Variants in JADE3 observed in about 807,000 individuals in gnomAD.
JADE3 encodes the protein protein Jade-3.
A neutral mutation model predicts 50.1 loss-of-function variants in JADE3; 2 were observed. The observed-to-expected ratio is 0.04, with a 90% CI of 0.02 to 0.13. The LOEUF (loss-of-function observed/expected upper bound fraction) is 0.13, where lower values mean the gene tolerates loss of function less well. JADE3 is among the 10% of genes least tolerant of loss of function. The probability of loss-of-function intolerance (pLI) is 1.00; values close to 1 mark genes in which losing one functional copy is unlikely to be tolerated. For synonymous variants in JADE3, 218 were observed against 232.9 expected (o/e 0.94, Z 0.58); for missense variants, 475 against 634.4 (o/e 0.75, Z 2.70).
intron 3 of JADE3, among the ~76,000 whole-genome samples, chrX:46,991,542 G>T (rs1428851712): frequency 3.6e-5 from 4 of 111,482 alleles, no homozygotes; most frequent in Non-Finnish European, 7.5e-5. Flanking sequence ...TTATGTTGAC[G>T]TACGTTTTCA....
chrX:46,988,709 A>G (rs1927916678), intron 3 of JADE3, among the ~76,000 whole-genome samples: 1 of 112,287 alleles, frequency 8.9e-6, no homozygotes. Context: ...GGGAATTGGC[A>G]AAGGTGACAA....
Position 46,956,553 on chromosome X carries a change from G to C in JADE3, c.-11-28331G>C, listed in dbSNP as rs782566022. 3.6e-5 allele frequency among the ~76,000 whole-genome samples: 4 copies of C among 110,344 alleles called. No homozygotes were observed. In the South Asian group the frequency reaches 1.2e-3, roughly 32 times the overall value. ...CTTGCTTGTTTATTTTAGAGACAGGGTTTCACTCTGTCAGCCAGGCTGGAG... is the reference window on the plus strand; with the variant it reads ...CTTGCTTGTTTATTTTAGAGACAGGCTTTCACTCTGTCAGCCAGGCTGGAG... On this transcript the variant is annotated intron_variant, in intron 1 of 10. Transcript: ENST00000614628.
chrX:46,930,158 A>T (rs962086717), intron 1 of JADE3, among the ~76,000 whole-genome samples: 1 of 112,150 alleles, frequency 8.9e-6, no homozygotes, highest in Non-Finnish European at 1.9e-5. Flanking sequence ...TTATGAGCCT[A>T]GGTCTCAAGA....
chrX:46,956,313 C>T (rs181188432), intron 1 of JADE3, among the ~76,000 whole-genome samples: 65 of 112,224 alleles, frequency 5.8e-4, no homozygotes, highest in South Asian at 3.7e-4. Context: ...GATCCACCTG[C>T]CTCGGCCTCC....
chrX:47,027,828 CAGT>C, intron 5 of JADE3, 61 bp from the exon 6 acceptor site: 2 of 943,995 alleles, frequency 2.1e-6, no homozygotes, highest in Non-Finnish European at 3.0e-6. Context: ...ACTGGGCTCA[CAGT>C]AGGTGTTTTG....
rs374952226 is a variant in JADE3 at position 46,948,427 on chromosome X, AG to A, written c.-12+35710del. Among the ~76,000 whole-genome samples the A allele has an allele frequency of 4.7e-3, 523 of 112,324 alleles. 2 individuals carry two copies. Among genetic ancestry groups the A allele is most frequent in the African/African-American group, 0.016 (503 of 30,951 alleles). The stretch of plus-strand genomic sequence containing the variant: ...AACTCATGAAATTCTGCCTGTGTAA[AG>A]GATGCCTGTATTCTCCCTGCATTCA... On this transcript the variant is annotated intron_variant, in intron 1 of 10. Coordinates refer to ENST00000614628, the MANE Select transcript of JADE3 (RefSeq NM_014735.5).
intron 6 of JADE3, among the ~76,000 whole-genome samples, chrX:47,029,149 G>A (rs1235453517): frequency 1.8e-5 from 2 of 111,691 alleles, no homozygotes; most frequent in Non-Finnish European, 3.8e-5. Context: ...TAAGGAAACT[G>A]CCAATTTAGC....
chrX:46,974,521 T>C (rs1927570256), intron 1 of JADE3, among the ~76,000 whole-genome samples: 1 of 112,234 alleles, frequency 8.9e-6, no homozygotes, highest in African/African-American at 3.2e-5. Context: ...CTGTCTCTGA[T>C]AATGGCTCTG....
rs111707381 is a variant in JADE3, at chrX:47,010,037, G to A, written c.284+11760G>A. Among the ~76,000 whole-genome samples, 1,031 of 110,183 alleles carry A rather than the reference G, an allele frequency of 9.4e-3. 11 individuals are homozygous for A. Among genetic ancestry groups the A allele is most frequent in the African/African-American group, 0.033 (996 of 30,204 alleles). ...TGATTGAAAGAGTTTAATGTAAGTAGACATAACATTACAACTAATAAGTGA... is the reference window on the plus strand; with the variant it reads ...TGATTGAAAGAGTTTAATGTAAGTAAACATAACATTACAACTAATAAGTGA... On this transcript the variant is annotated intron_variant, in intron 4 of 10. Coordinates refer to ENST00000614628, the MANE Select transcript of JADE3 (RefSeq NM_014735.5).
intron 1 of JADE3, among the ~76,000 whole-genome samples, chrX:46,940,498 C>T (rs1376298237): frequency 8.9e-6 from 1 of 111,746 alleles, no homozygotes; most frequent in Non-Finnish European, 1.9e-5. Flanking sequence ...TTTCTGTTTT[C>T]CTAGAGTTGG....
chrX:46,987,431 G>A (rs1358620737), intron 3 of JADE3, among the ~76,000 whole-genome samples: 1 of 111,915 alleles, frequency 8.9e-6, no homozygotes, highest in Non-Finnish European at 1.9e-5. Flanking sequence ...ATATTCTGTT[G>A]TTTAGAAGCA....
intron 4 of JADE3, among the ~76,000 whole-genome samples, chrX:47,015,063 C>T (rs1928641358): frequency 8.9e-6 from 1 of 112,114 alleles, no homozygotes; most frequent in Non-Finnish European, 1.9e-5. Flanking sequence ...GATGACATTC[C>T]TTAATTCTGC....
intron 3 of JADE3, among the ~76,000 whole-genome samples, chrX:46,991,049 CCT>C: frequency 8.4e-5 from 1 of 11,835 alleles, no homozygotes; most frequent in Non-Finnish European, 2.2e-4. Context: ...TCCTTCCCTC[CCT>C]CCCTCCCTCA....
chrX:46,998,899 A>G (rs782248105), intron 4 of JADE3, among the ~76,000 whole-genome samples: 1 of 110,156 alleles, frequency 9.1e-6, no homozygotes, highest in African/African-American at 3.3e-5. Flanking sequence ...GGGTTTCATC[A>G]TGCTGGCCAG....
intron 3 of JADE3, among the ~76,000 whole-genome samples, chrX:46,995,729 C>T (rs1412509304): frequency 9.0e-6 from 1 of 111,583 alleles, no homozygotes; most frequent in Non-Finnish European, 1.9e-5. Flanking sequence ...TGCCTGAGTA[C>T]TGAACTGACA....
chrX:46,942,837 A>G (rs1926793938), intron 1 of JADE3, among the ~76,000 whole-genome samples: 2 of 112,153 alleles, frequency 1.8e-5, no homozygotes, highest in Non-Finnish European at 3.8e-5. Context: ...ATCCATGAGC[A>G]TGGCATGTTT....
Position 47,060,324 on chromosome X carries a change from A to C in JADE3, c.*1247A>C, listed in dbSNP as rs1929742638. 1 of 111,023 alleles carries C rather than the reference A, an allele frequency of 9.0e-6. No individual in the cohort carries two copies. The highest frequency in any genetic ancestry group is 3.8e-4 in the South Asian group (1 of 2,602). The allele number at this position is 111,023 out of a possible 1,213,427, so 9.1% of individuals were successfully genotyped here. On this transcript the variant is annotated 3_prime_UTR_variant, in exon 11 of 11. Transcript: ENST00000614628. ...TTTTTTAAATGTGAAGCAGACTATAATTCTCAGCTCTCTTTTCTTCTTAGC... is the reference window on the plus strand; with the variant it reads ...TTTTTTAAATGTGAAGCAGACTATACTTCTCAGCTCTCTTTTCTTCTTAGC...
intron 9 of JADE3, among the ~76,000 whole-genome samples, chrX:47,055,083 T>A (rs1468154304): frequency 9.0e-6 from 1 of 110,693 alleles, no homozygotes; most frequent in Non-Finnish European, 1.9e-5. Context: ...TTAAGATGTT[T>A]ACCAGCATCC....
intron 3 of JADE3, among the ~76,000 whole-genome samples, chrX:46,994,610 A>C (rs1928083990): frequency 9.0e-6 from 1 of 111,701 alleles, no homozygotes; most frequent in Non-Finnish European, 1.9e-5. Context: ...TTGGAACGTT[A>C]GTTAAAGTTC....
Sources: gnomAD v4.1 joint callset for allele counts (sites outside exome capture counted in the v4.1 genomes callset) on GRCh38, gnomAD v4.1.1 for gene constraint, MANE v1.5 for transcripts, NCBI Gene and HGNC (gene_info 2026-07-23, HGNC 2026-07-21) for gene names.